Variants in ASB18 observed in about 807,000 individuals in gnomAD.
The protein encoded by ASB18 is ankyrin repeat and SOCS box protein 18.
ASB18 carries 33 observed loss-of-function variants against 33.4 expected under a neutral mutation model. That is an observed-to-expected ratio of 0.99 (90% CI 0.75 to 1.32). The LOEUF (loss-of-function observed/expected upper bound fraction) is 1.32, where lower values mean the gene tolerates loss of function less well. ASB18 is among the 40% of genes most tolerant of loss of function. The pLI is 0.00. For synonymous variants in ASB18, 295 were observed against 307.6 expected, an observed-to-expected ratio of 0.96 and a Z score of 0.43; for missense variants, 694 against 655.5, an observed-to-expected ratio of 1.06 and a Z score of -0.64.
chr2:236,198,088 T>C (rs985604988), intron 4 of ASB18, among the ~76,000 whole-genome samples: 4 of 152,268 alleles, frequency 2.6e-5, no homozygotes, highest in South Asian at 2.1e-4. Flanking sequence ...AAAGAAAGTA[T>C]TGAAGTCACT....
In ASB18 at chr2:236,231,373, A is replaced by AT. The variant is rs1256511060; in HGVS notation, c.596+6315dup. On this transcript the variant is annotated intron_variant, in intron 3 of 5. Coordinates refer to ENST00000409749, the MANE Select transcript of ASB18 (RefSeq NM_212556.4). This position sits in a 1 kb window ranked among gnomAD's most constrained non-coding sequence, Gnocchi z 5.5. ...TTAAGAGGTGGGTCATTAGGAAGTG[A>AT]TTAGGCCCTCATAGATGGGATTAGT... Among the ~76,000 whole-genome samples the AT allele has an allele frequency of 6.6e-6, 1 of 152,178 alleles. No homozygotes were observed. The highest frequency in any genetic ancestry group is 2.4e-5 in the African/African-American group (1 of 41,446).
intron 3 of ASB18, among the ~76,000 whole-genome samples, chr2:236,224,195 T>G (rs1207727242): frequency 5.4e-5 from 8 of 147,618 alleles, no homozygotes; most frequent in Non-Finnish European, 9.0e-5. Context: ...GTTTTTTTTT[T>G]TTTTTTTTTT....
rs1025190794 is a variant in ASB18 at position 236,262,757 on chromosome 2, T to C, written c.205+1384A>G. The stretch of plus-strand genomic sequence containing the variant: ...GTACCAAGTTTGGGATCATGGCTCC[T>C]GGGCCTATGGACCCCCGCCAGATAT... On this transcript the variant is annotated intron_variant, in intron 1 of 5. Transcript: ENST00000409749. The surrounding 1 kb of genome is among the most constrained non-coding windows in gnomAD (Gnocchi z 5.2). Among the ~76,000 whole-genome samples the C allele has an allele frequency of 3.3e-5, 5 of 152,150 alleles. No homozygotes were observed. The South Asian group carries it at 8.3e-4, about 25-fold the overall frequency.
At chr2:236,242,790 G>A (rs1183752386) in intron 1 of ASB18, among the ~76,000 whole-genome samples, 1 of 150,318 alleles carries the variant, frequency 6.7e-6, no homozygotes, top group African/African-American at 2.4e-5. Context: ...GGGAGGTCGA[G>A]GTGGGAGGAT....
intron 1 of ASB18, among the ~76,000 whole-genome samples, chr2:236,258,564 C>T (rs946427668): frequency 3.3e-5 from 5 of 152,140 alleles, no homozygotes; most frequent in African/African-American, 1.2e-4. Context: ...AATTTAGAGT[C>T]AGCCGTTTGG....
At position 236,263,465 on chromosome 2, in the gene ASB18, G is replaced by T. The variant is rs1472049317; in HGVS notation, c.205+676C>A. ...ATTACCAGTGATGCTCCTTGGTGAG[G>T]TTGTGGTGAAACACATCACCTCACT... On this transcript the variant is annotated intron_variant, in intron 1 of 5. Transcript: ENST00000409749. The surrounding 1 kb of genome is among the most constrained non-coding windows in gnomAD (Gnocchi z 4.0). Among the ~76,000 whole-genome samples, 1 of 152,198 alleles carries T rather than the reference G, an allele frequency of 6.6e-6. No homozygotes were observed. Among genetic ancestry groups the T allele is most frequent in the Admixed American group, 6.5e-5 (1 of 15,282 alleles).
rs1200561013 is a variant in ASB18 at position 236,229,628 on chromosome 2, G to C, written c.596+8061C>G. Among the ~76,000 whole-genome samples, 2 of 152,160 alleles carry C rather than the reference G, an allele frequency of 1.3e-5. No homozygotes were observed. Among genetic ancestry groups the C allele is most frequent in the African/African-American group, 4.8e-5 (2 of 41,440 alleles). ...AGGCCAAGGTGGGCAGATCACCTGA[G>C]GTCAGGGGTTCAAGACTAACCTGGC... On this transcript the variant is annotated intron_variant, in intron 3 of 5. Transcript: ENST00000409749. The surrounding 1 kb of genome is among the most constrained non-coding windows in gnomAD (Gnocchi z 5.2).
rs1559329787 is a variant in ASB18 at position 236,214,278 on chromosome 2, C to T, written c.1101+84G>A. 6 of 1,397,030 alleles carry T rather than the reference C, an allele frequency of 4.3e-6. No homozygotes were observed. The highest frequency in any genetic ancestry group is 1.9e-4 in the Middle Eastern group (1 of 5,228). The allele number at this position is 1,397,030 out of a possible 1,614,324, so 86.5% of individuals were successfully genotyped here. On this transcript the variant is annotated intron_variant, in intron 4 of 5. Coordinates refer to ENST00000409749, the MANE Select transcript of ASB18 (RefSeq NM_212556.4). The surrounding 1 kb of genome is among the most constrained non-coding windows in gnomAD (Gnocchi z 6.5). ...TGCCTGGGCCATTACACTTTGAGAGCGCCGCATGCAACCCAGCTCCCAGGC... is the reference window on the plus strand; with the variant it reads ...TGCCTGGGCCATTACACTTTGAGAGTGCCGCATGCAACCCAGCTCCCAGGC...
rs990939416 is a variant in ASB18, at chr2:236,217,731, G to A, written c.597-2865C>T. On this transcript the variant is annotated intron_variant, in intron 3 of 5. Coordinates refer to ENST00000409749, the MANE Select transcript of ASB18 (RefSeq NM_212556.4). The surrounding 1 kb of genome is among the most constrained non-coding windows in gnomAD (Gnocchi z 5.2). Reference sequence around the variant, plus strand: ...TTAAATTCTCCCTTTGGATTGTCTCGTTTCTACATCAGCAGTGTCTTGAGA... The same window carrying A: ...TTAAATTCTCCCTTTGGATTGTCTCATTTCTACATCAGCAGTGTCTTGAGA... Among the ~76,000 whole-genome samples, 4 of 152,066 alleles carry A rather than the reference G, an allele frequency of 2.6e-5. No homozygotes were observed. The highest frequency in any genetic ancestry group is 1.9e-4 in the East Asian group (1 of 5,188).
Position 236,225,588 on chromosome 2 carries a change from T to A in ASB18, c.597-10722A>T, listed in dbSNP as rs79681879. Among the ~76,000 whole-genome samples the A allele has an allele frequency of 9.7e-3, 1,480 of 152,284 alleles. 23 individuals are homozygous for A. Among genetic ancestry groups the A allele is most frequent in the African/African-American group, 0.034 (1,423 of 41,552 alleles). On this transcript the variant is annotated intron_variant, in intron 3 of 5. Transcript: ENST00000409749. The surrounding 1 kb of genome is among the most constrained non-coding windows in gnomAD (Gnocchi z 5.1). ...ACACATTCTTTTCTTATTTTAATTA[T>A]CTCGAATAAAAAGGGTCAAGGAGAG... is the stretch of plus-strand genomic sequence containing the variant.
chr2:236,202,736 G>A lies in ASB18; in HGVS notation c.1102-6351C>T, dbSNP rs953136306. Among the ~76,000 whole-genome samples, 7 of 137,034 alleles carry A rather than the reference G, an allele frequency of 5.1e-5. No homozygotes were observed. The Admixed American group carries it at 5.5e-4, about 11-fold the overall frequency. The allele number at this position is 137,034 out of a possible 152,430, so 89.9% of individuals were successfully genotyped here. A position where few individuals can be genotyped will look rare whatever the true frequency, so the allele number is the denominator to read the frequency against. ...AGAGGTTGCAGTGAGTTGAGATCAC[G>A]CCACTGCACTCCAGCCTGGCGACAG... On this transcript the variant is annotated intron_variant, in intron 4 of 5. Transcript: ENST00000409749.
At position 236,245,276 on chromosome 2, in the gene ASB18, C is replaced by A. The variant is rs763432216; in HGVS notation, c.206-3874G>T. Among the ~76,000 whole-genome samples the A allele has an allele frequency of 5.3e-5, 8 of 152,120 alleles. No homozygotes were observed. The highest frequency in any genetic ancestry group is 5.9e-5 in the Non-Finnish European group (4 of 68,002). On this transcript the variant is annotated intron_variant, in intron 1 of 5. Coordinates refer to ENST00000409749, the MANE Select transcript of ASB18 (RefSeq NM_212556.4). This position sits in a 1 kb window ranked among gnomAD's most constrained non-coding sequence, Gnocchi z 4.7. ...GGGGCTGCTGCTCCCTGGACACCCA[C>A]TGCTAGTGACTCTGTGTCAGGTGTA...
Position 236,203,944 on chromosome 2 carries a change from G to A in ASB18, c.1102-7559C>T, listed in dbSNP as rs2060419659. 6.6e-6 allele frequency among the ~76,000 whole-genome samples: 1 copy of A among 151,954 alleles called. No homozygotes were observed. Among genetic ancestry groups the A allele is most frequent in the African/African-American group, 2.4e-5 (1 of 41,362 alleles). On this transcript the variant is annotated intron_variant, in intron 4 of 5. Transcript: ENST00000409749. This position sits in a 1 kb window ranked among gnomAD's most constrained non-coding sequence, Gnocchi z 6.0. ...GGACATATCACCAAGGCTGGATCTG[G>A]GGAATAGTTTAGAGGAGACAGAGAG...
At chr2:236,198,724 T>G (rs978850275) in intron 4 of ASB18, among the ~76,000 whole-genome samples, 11 of 152,232 alleles carry the variant, frequency 7.2e-5, no homozygotes, top group African/African-American at 2.2e-4. Context: ...CTTTGTGAAT[T>G]GCTCAATTAT....
chr2:236,220,652 C>T lies in ASB18; in HGVS notation c.597-5786G>A, dbSNP rs2060506664. ...TTGGGGAAATTGAGGCTTAAAAGGCCAGTGACATGCATAAGGCAGGAAGTG... is the reference window on the plus strand; with the variant it reads ...TTGGGGAAATTGAGGCTTAAAAGGCTAGTGACATGCATAAGGCAGGAAGTG... On this transcript the variant is annotated intron_variant, in intron 3 of 5. Coordinates refer to ENST00000409749, the MANE Select transcript of ASB18 (RefSeq NM_212556.4). The surrounding 1 kb of genome is among the most constrained non-coding windows in gnomAD (Gnocchi z 5.1). Among the ~76,000 whole-genome samples, 2 of 151,808 alleles carry T rather than the reference C, an allele frequency of 1.3e-5. No individual in the cohort carries two copies. Among genetic ancestry groups the T allele is most frequent in the Non-Finnish European group, 2.9e-5 (2 of 67,994 alleles).
chr2:236,214,455 G>T lies in ASB18; in HGVS notation c.1008C>A (p.Thr336=). The T allele has an allele frequency of 2.6e-6, 4 of 1,532,864 alleles. No homozygotes were observed. Among genetic ancestry groups the T allele is most frequent in the African/African-American group, 1.4e-5 (1 of 71,320 alleles). 95.0% of individuals were successfully genotyped at this position (1,532,864 alleles called of 1,614,324 possible). ...GASPLGRVLQ[T]ASCALQASPQ... Reference sequence around the variant, plus strand: ...GTGAGGCCTGGAGAGCGCAGGATGCGGTCTGGAGCACGCGGCCCAGCGGCG... The same window carrying T: ...GTGAGGCCTGGAGAGCGCAGGATGCTGTCTGGAGCACGCGGCCCAGCGGCG... The change falls in exon 4 of 6, where the codon ACC becomes ACA. Residue 336 remains threonine (T), a synonymous_variant. Coordinates refer to ENST00000409749, the MANE Select transcript of ASB18 (RefSeq NM_212556.4). This position sits in a 1 kb window ranked among gnomAD's most constrained non-coding sequence, Gnocchi z 6.5.
At position 236,214,287 on chromosome 2, in the gene ASB18, C is replaced by T; in HGVS notation, c.1101+75G>A. The T allele has an allele frequency of 6.8e-7, 1 of 1,467,652 alleles. No homozygotes were observed. The highest frequency in any genetic ancestry group is 1.4e-5 in the African/African-American group (1 of 69,308). The allele number at this position is 1,467,652 out of a possible 1,614,324, so 90.9% of individuals were successfully genotyped here. A position where few individuals can be genotyped will look rare whatever the true frequency, so the allele number is the denominator to read the frequency against. Reference sequence around the variant, plus strand: ...CATTACACTTTGAGAGCGCCGCATGCAACCCAGCTCCCAGGCCGGTCACTA... The same window carrying T: ...CATTACACTTTGAGAGCGCCGCATGTAACCCAGCTCCCAGGCCGGTCACTA... On this transcript the variant is annotated intron_variant, in intron 4 of 5. Coordinates refer to ENST00000409749, the MANE Select transcript of ASB18 (RefSeq NM_212556.4). This position sits in a 1 kb window ranked among gnomAD's most constrained non-coding sequence, Gnocchi z 6.5.
rs1045833940 is a variant in ASB18 at position 236,195,323 on chromosome 2, G to A, written c.1216-266C>T. ...GCTCCAGGTGGTCTCCCCGAATTCC[G>A]TTTTGCTCCATCCTCTTTGCACAGC... On this transcript the variant is annotated intron_variant, in intron 5 of 5. Coordinates refer to ENST00000409749, the MANE Select transcript of ASB18 (RefSeq NM_212556.4). This position sits in a 1 kb window ranked among gnomAD's most constrained non-coding sequence, Gnocchi z 5.5. Among the ~76,000 whole-genome samples the A allele has an allele frequency of 1.3e-5, 2 of 152,114 alleles. No individual in the cohort carries two copies. The highest frequency in any genetic ancestry group is 2.1e-4 in the South Asian group (1 of 4,816).
rs558289882 is a variant in ASB18, at chr2:236,260,427, G to A, written c.205+3714C>T. On this transcript the variant is annotated intron_variant, in intron 1 of 5. Transcript: ENST00000409749. This position sits in a 1 kb window ranked among gnomAD's most constrained non-coding sequence, Gnocchi z 5.1. ...TTCCCAATATGTGCTGCATTTCAAGGTCATTGCCATAAGTTTTGACCACTG... is the reference window on the plus strand; with the variant it reads ...TTCCCAATATGTGCTGCATTTCAAGATCATTGCCATAAGTTTTGACCACTG... Among the ~76,000 whole-genome samples, 1 of 152,110 alleles carries A rather than the reference G, an allele frequency of 6.6e-6. No homozygotes were observed. Among genetic ancestry groups the A allele is most frequent in the South Asian group, 2.1e-4 (1 of 4,828 alleles).
Sources: gnomAD v4.1 joint callset for allele counts (sites outside exome capture counted in the v4.1 genomes callset) on GRCh38, gnomAD v4.1.1 for gene constraint, Gnocchi (gnomAD v3.1) non-coding constraint, MANE v1.5 for transcripts, NCBI Gene and HGNC (gene_info 2026-07-23, HGNC 2026-07-21) for gene names.